The following SETD2 variants were observed in gnomAD, a reference collection of about 807,000 sequenced individuals.
The protein encoded by SETD2 is histone-lysine N-methyltransferase SETD2.
Under a neutral mutation model 242.1 loss-of-function variants are expected in SETD2, and 31 were observed. The observed-to-expected ratio is 0.13, with a 90% confidence interval of 0.10 to 0.17. SETD2 has a LOEUF of 0.17. SETD2 is among the 10% of genes least tolerant of loss of function. The pLI, the probability that SETD2 is intolerant of heterozygous loss-of-function variation, is 1.00. For missense variants in SETD2, 2,481 were observed against 3,046.3 expected (o/e 0.81, Z 4.37); for synonymous variants, 1,006 against 1,066.5 (o/e 0.94, Z 1.11).
intron 4 of SETD2, among the ~76,000 whole-genome samples, chr3:47,114,473 A>G (rs767606653): frequency 1.3e-5 from 2 of 152,206 alleles, no homozygotes; most frequent in Non-Finnish European, 2.9e-5. Context: ...AGTAAACAGA[A>G]TAACATGGCA....
At chr3:47,146,403 G>A (rs570273031) in intron 1 of SETD2, among the ~76,000 whole-genome samples, 4 of 152,164 alleles carry the variant, frequency 2.6e-5, no homozygotes, top group South Asian at 2.1e-4. Context: ...CGAGGCAGGC[G>A]GATCACCTGA....
chr3:47,066,879 CA>C (rs1329452918), intron 13 of SETD2, 190 bp downstream of exon 13: 18 of 499,340 alleles, frequency 3.6e-5, no homozygotes, highest in Non-Finnish European at 6.0e-5. Context: ...GTGTAAGAGA[CA>C]TTTCCTTTGG....
At chr3:47,129,965 T>G (rs189533856) in intron 1 of SETD2, among the ~76,000 whole-genome samples, 1 of 151,520 alleles carries the variant, frequency 6.6e-6, no homozygotes, top group Admixed American at 6.6e-5. Context: ...AGAGACAGGG[T>G]AAAAGACAAA....
intron 1 of SETD2, among the ~76,000 whole-genome samples, chr3:47,134,973 T>C (rs1020096606): frequency 2.6e-5 from 4 of 152,136 alleles, no homozygotes; most frequent in African/African-American, 9.7e-5. Flanking sequence ...TCACCTCTCA[T>C]ATCAATCAGA....
In SETD2 at chr3:47,161,934, T is replaced by C. The variant is rs558958400; in HGVS notation, c.71+1920A>G. 2.0e-3 allele frequency among the ~76,000 whole-genome samples: 295 copies of C among 144,408 alleles called. 3 individuals carry two copies. Among genetic ancestry groups the C allele is most frequent in the African/African-American group, 6.8e-3 (269 of 39,362 alleles). The allele number at this position is 144,408 out of a possible 152,430, so 94.7% of individuals were successfully genotyped here. A position where few individuals can be genotyped will look rare whatever the true frequency, so the allele number is the denominator to read the frequency against. ...TCTAAAAAAAAAAAAAAGGAAAAAA[T>C]ACACGAGAATTTAAAAATATATAAT... On this transcript the variant is annotated intron_variant, in intron 1 of 20. Coordinates refer to ENST00000409792, the MANE Select transcript of SETD2 (RefSeq NM_014159.7).
chr3:47,076,369 T>C (rs1261623631), intron 12 of SETD2, among the ~76,000 whole-genome samples: 1 of 152,150 alleles, frequency 6.6e-6, no homozygotes. Context: ...ATTTCAACAG[T>C]GTAATGGTGA....
chr3:47,018,174 T>C (rs910874701), intron 19 of SETD2, among the ~76,000 whole-genome samples: 2 of 152,170 alleles, frequency 1.3e-5, no homozygotes, highest in African/African-American at 4.8e-5. Flanking sequence ...ATTTTGTCAT[T>C]GAAGGGTACT....
intron 12 of SETD2, among the ~76,000 whole-genome samples, chr3:47,067,324 T>C (rs536741550): frequency 1.2e-4 from 18 of 151,278 alleles, no homozygotes; most frequent in Admixed American, 1.1e-3. Context: ...GAAATACATA[T>C]ATTTACATCT....
At chr3:47,138,068 T>C (rs1368939394) in intron 1 of SETD2, among the ~76,000 whole-genome samples, 11 of 151,084 alleles carry the variant, frequency 7.3e-5, no homozygotes, top group Non-Finnish European at 1.0e-4. Context: ...GCCTCCCGGG[T>C]TCACGCCATT....
chr3:47,116,784 TA>T, intron 3 of SETD2, 30 bp from the exon 4 acceptor site: 1 of 1,443,132 alleles, frequency 6.9e-7, no homozygotes, highest in Non-Finnish European at 9.6e-7. Context: ...AAAAACTGAT[TA>T]AATAAATTTC....
chr3:47,081,156 C>CTTCAA (rs1325728400), intron 12 of SETD2: 44 of 837,816 alleles, frequency 5.3e-5, no homozygotes, highest in Non-Finnish European at 5.6e-5. Flanking sequence ...ATTCATGAAG[C>CTTCAA]TTCATTCCCT....
At chr3:47,115,456 A>C (rs916625602) in intron 4 of SETD2, among the ~76,000 whole-genome samples, 5 of 152,154 alleles carry the variant, frequency 3.3e-5, no homozygotes, top group African/African-American at 1.2e-4. Context: ...CTCTCTCTCT[A>C]GTTTGGATAA....
At chr3:47,050,526 T>A (rs1575690013) in intron 15 of SETD2, among the ~76,000 whole-genome samples, 1 of 152,050 alleles carries the variant, frequency 6.6e-6, no homozygotes, top group Non-Finnish European at 1.5e-5. Flanking sequence ...CTACAAAATA[T>A]GAAACTTTTT....
chr3:47,105,966 G>C (rs756192467), intron 6 of SETD2, 31 bp downstream of exon 6: 1 of 1,575,142 alleles, frequency 6.3e-7, no homozygotes, highest in Non-Finnish European at 8.7e-7. Flanking sequence ...TAACAGATCT[G>C]TTTCAAGGCA....
At position 47,088,257 on chromosome 3, in the gene SETD2, C is replaced by T. The variant is rs2107652015; in HGVS notation, c.5143-10G>A. On this transcript the variant is annotated splice_polypyrimidine_tract_variant and intron_variant, in intron 9 of 20. Transcript: ENST00000409792. ...CTAGCTCTCCATCCACCTACCACAG[C>T]AAATAAAAATACCTTTTTATAAAAC... 6.3e-7 allele frequency: 1 copy of T among 1,581,600 alleles called. No homozygotes were observed. Among genetic ancestry groups the T allele is most frequent in the Non-Finnish European group, 8.6e-7 (1 of 1,169,290 alleles).
At chr3:47,049,345 A>ATATATATATATATATG (rs1221844905) in intron 15 of SETD2, among the ~76,000 whole-genome samples, 1 of 111,200 alleles carries the variant, frequency 9.0e-6, no homozygotes, top group Non-Finnish European at 1.8e-5. Flanking sequence ...ATATATATAT[A>ATATATATATATATATG]TATGTATTCT....
intron 17 of SETD2, among the ~76,000 whole-genome samples, chr3:47,041,922 T>C (rs2039299813): frequency 6.6e-6 from 1 of 152,244 alleles, no homozygotes; most frequent in Non-Finnish European, 1.5e-5. Context: ...TGATATAGAC[T>C]GCTTGGCTGG....
At chr3:47,154,307 G>A (rs2044074062) in intron 1 of SETD2, among the ~76,000 whole-genome samples, 1 of 152,082 alleles carries the variant, frequency 6.6e-6, no homozygotes, top group Admixed American at 6.6e-5. Flanking sequence ...TACTTGGGAG[G>A]CTGAGGCAGG....
intron 1 of SETD2, among the ~76,000 whole-genome samples, chr3:47,138,576 C>T (rs2043648480): frequency 6.6e-6 from 1 of 152,192 alleles, no homozygotes; most frequent in Non-Finnish European, 1.5e-5. Flanking sequence ...CATGTACCAT[C>T]AAGCCTGGCT....
Sources: gnomAD v4.1 joint callset for allele counts (sites outside exome capture counted in the v4.1 genomes callset) on GRCh38, gnomAD v4.1.1 for gene constraint, MANE v1.5 for transcripts, NCBI Gene and HGNC (gene_info 2026-07-23, HGNC 2026-07-21) for gene names.